Variants in KCNQ5 observed in about 807,000 individuals in gnomAD.
KCNQ5 encodes potassium voltage-gated channel subfamily Q member 5, also known as potassium voltage-gated channel subfamily KQT member 5.
KCNQ5 carries 30 observed loss-of-function variants against 98.2 expected under a neutral mutation model. The ratio of observed to expected loss-of-function variants is 0.31; its 90% CI spans 0.23 to 0.41. The LOEUF (loss-of-function observed/expected upper bound fraction) is 0.41. KCNQ5 is among the 10% of genes least tolerant of loss of function. The pLI is 1.00. For synonymous variants in KCNQ5, 458 were observed against 449.4 expected (o/e 1.02, Z -0.24); for missense variants, 835 against 1,182.5 (o/e 0.71, Z 4.31).
chr6:73,083,268 C>T (rs1773853356), intron 5 of KCNQ5, among the ~76,000 whole-genome samples: 1 of 152,018 alleles, frequency 6.6e-6, no homozygotes. Flanking sequence ...ATTGCATAAA[C>T]TGATGACATA....
chr6:72,697,794 T>C (rs902126004), intron 1 of KCNQ5, among the ~76,000 whole-genome samples: 1 of 152,242 alleles, frequency 6.6e-6, no homozygotes, highest in African/African-American at 2.4e-5. Flanking sequence ...AATTGGTAAA[T>C]GGATATGTTA....
intron 9 of KCNQ5, among the ~76,000 whole-genome samples, chr6:73,130,385 G>C (rs777474136): frequency 2.6e-5 from 4 of 152,130 alleles, no homozygotes; most frequent in Non-Finnish European, 5.9e-5. Context: ...TCTCTTGCAG[G>C]GTGACAGTGC....
chr6:72,872,406 T>C (rs1460932844), intron 1 of KCNQ5, among the ~76,000 whole-genome samples: 1 of 152,200 alleles, frequency 6.6e-6, no homozygotes, highest in African/African-American at 2.4e-5. Context: ...CATGAGGACG[T>C]GGTTTGTCTT....
intron 1 of KCNQ5, among the ~76,000 whole-genome samples, chr6:72,804,741 G>C (rs764878873): frequency 6.6e-6 from 1 of 152,096 alleles, no homozygotes; most frequent in Non-Finnish European, 1.5e-5. Context: ...ACCTCCAACT[G>C]TTCTCCATAG....
At chr6:72,906,865 C>T (rs1779719444) in intron 1 of KCNQ5, among the ~76,000 whole-genome samples, 1 of 152,180 alleles carries the variant, frequency 6.6e-6, no homozygotes, top group Non-Finnish European at 1.5e-5. Flanking sequence ...TATAAGCCTC[C>T]ACACACTGCT....
At chr6:72,631,661 T>C (rs948597516) in intron 1 of KCNQ5, among the ~76,000 whole-genome samples, 1 of 152,220 alleles carries the variant, frequency 6.6e-6, no homozygotes, top group South Asian at 2.1e-4. Context: ...AGAGGCAGAT[T>C]GCTGTTAGCT....
At chr6:72,802,643 GC>G (rs2150095096) in intron 1 of KCNQ5, among the ~76,000 whole-genome samples, 1 of 152,162 alleles carries the variant, frequency 6.6e-6, no homozygotes, top group Admixed American at 6.6e-5. Flanking sequence ...CTGAAGATGA[GC>G]TTTTTGCACA....
intron 1 of KCNQ5, among the ~76,000 whole-genome samples, chr6:72,654,819 T>A (rs1314487386): frequency 6.6e-6 from 1 of 152,118 alleles, no homozygotes; most frequent in Non-Finnish European, 1.5e-5. Context: ...AGTGTGATAT[T>A]ATTTTCATTA....
At chr6:73,060,982 C>G (rs887423193) in intron 3 of KCNQ5, among the ~76,000 whole-genome samples, 12 of 152,118 alleles carry the variant, frequency 7.9e-5, no homozygotes, top group African/African-American at 2.9e-4. Flanking sequence ...TACTCTTTGA[C>G]CCAGGAAGTC....
rs186476026 is a variant in KCNQ5 at position 72,902,253 on chromosome 6, G to A, written c.399-101655G>A. Among the ~76,000 whole-genome samples the A allele has an allele frequency of 3.1e-3, 477 of 152,242 alleles. 1 individual carries two copies. The highest frequency in any genetic ancestry group is 0.011 in the African/African-American group (438 of 41,550). On this transcript the variant is annotated intron_variant, in intron 1 of 13. Transcript: ENST00000370398. ...TAGGAACTTTCTGGAGAAGTCTTTA[G>A]GGTTCTCAAGGTAAACAATCATACC...
chr6:72,736,180 G>A (rs542515548), intron 1 of KCNQ5, among the ~76,000 whole-genome samples: 1 of 151,884 alleles, frequency 6.6e-6, no homozygotes, highest in Non-Finnish European at 1.5e-5. Context: ...CATATCAAAA[G>A]CTCTAAAATA....
intron 1 of KCNQ5, among the ~76,000 whole-genome samples, chr6:72,759,871 C>A (rs780674747): frequency 6.6e-6 from 1 of 152,120 alleles, no homozygotes; most frequent in Non-Finnish European, 1.5e-5. Context: ...TGCACACACA[C>A]ACATTCACAC....
chr6:72,884,770 C>T (rs1778786978), intron 1 of KCNQ5, among the ~76,000 whole-genome samples: 1 of 152,022 alleles, frequency 6.6e-6, no homozygotes. Flanking sequence ...ATGCACACCA[C>T]CATTTTTGCC....
chr6:72,987,203 T>C (rs1768824520), intron 1 of KCNQ5: 1 of 685,188 alleles, frequency 1.5e-6, no homozygotes, highest in South Asian at 1.4e-5. Context: ...AGGAGCCGGC[T>C]CTGAAAAGGA....
intron 1 of KCNQ5, among the ~76,000 whole-genome samples, chr6:72,742,020 C>T (rs1455544211): frequency 6.6e-6 from 1 of 152,172 alleles, no homozygotes; most frequent in African/African-American, 2.4e-5. Flanking sequence ...TCATGCTCTG[C>T]CATTGAGCCT....
At chr6:72,695,129 G>A (rs975551823) in intron 1 of KCNQ5, among the ~76,000 whole-genome samples, 14 of 152,036 alleles carry the variant, frequency 9.2e-5, no homozygotes, top group Admixed American at 2.0e-4. Flanking sequence ...GGGCACCTAG[G>A]TCAATTCTAT....
intron 1 of KCNQ5, 45 bp from the exon 2 acceptor site, chr6:73,003,863 A>G (rs1769702754): frequency 7.8e-7 from 1 of 1,275,976 alleles, no homozygotes; most frequent in Non-Finnish European, 1.1e-6. Flanking sequence ...GTCTGTGATA[A>G]TAAGGTAAGG....
intron 1 of KCNQ5, among the ~76,000 whole-genome samples, chr6:72,996,770 T>C (rs1196484102): frequency 6.6e-6 from 1 of 152,062 alleles, no homozygotes; most frequent in African/African-American, 2.4e-5. Flanking sequence ...TGAGAATGAG[T>C]CTCAGTCCCA....
chr6:73,156,232 G>A (rs879777539), intron 10 of KCNQ5, among the ~76,000 whole-genome samples: 5 of 152,210 alleles, frequency 3.3e-5, no homozygotes, highest in Non-Finnish European at 7.3e-5. Context: ...ATTACGGGAT[G>A]TAATAAATTA....
Sources: gnomAD v4.1 joint callset for allele counts (sites outside exome capture counted in the v4.1 genomes callset) on GRCh38, gnomAD v4.1.1 for gene constraint, MANE v1.5 for transcripts, NCBI Gene and HGNC (gene_info 2026-07-23, HGNC 2026-07-21) for gene names.